Variants in HTT observed in about 807,000 individuals in gnomAD.
The protein encoded by HTT is huntington disease protein.
A neutral mutation model predicts 362.3 loss-of-function variants in HTT; 104 were observed. The ratio of observed to expected loss-of-function variants is 0.29; its 90% CI spans 0.24 to 0.34. The LOEUF (loss-of-function observed/expected upper bound fraction) is 0.34. Among genes scored for constraint, HTT ranks in the 10% least tolerant of loss-of-function variants. HTT has a pLI of 1.00. For missense variants in HTT, 3,301 were observed against 3,928.6 expected (o/e 0.84, Z 4.27); for synonymous variants, 1,577 against 1,548.7 (o/e 1.02, Z -0.43).
intron 2 of HTT, among the ~76,000 whole-genome samples, chr4:3,092,156 G>A (rs1713544609): frequency 6.6e-6 from 1 of 152,042 alleles, no homozygotes; most frequent in Non-Finnish European, 1.5e-5. Context: ...CTGAGTAGCT[G>A]GGATTACAGG....
At chr4:3,135,361 A>G (rs1424773012) in intron 19 of HTT, among the ~76,000 whole-genome samples, 1 of 149,776 alleles carries the variant, frequency 6.7e-6, no homozygotes, top group African/African-American at 2.4e-5. Context: ...TGGCACTTTC[A>G]TTTTCTAAGA....
In HTT at chr4:3,214,115, T is replaced by C; in HGVS notation, c.6932T>C (p.Val2311Ala). ...VTHACSLIYC[V>A]HFILEAVAVQ... ...CACGCCTGCTCCCTCATCTACTGTG[T>C]GCACTTCATCCTGGAGGCCGGTGAG... The change falls in exon 50 of 67, where the codon GTG (valine) becomes GCG (alanine). Residue 2311 changes from valine to alanine, a missense_variant. Transcript: ENST00000355072. 1 of 1,540,578 alleles carries C rather than the reference T, an allele frequency of 6.5e-7. No homozygotes were observed. The highest frequency in any genetic ancestry group is 8.8e-7 in the Non-Finnish European group (1 of 1,134,846).
chr4:3,104,735 A>G (rs1387895993), intron 4 of HTT, among the ~76,000 whole-genome samples: 1 of 152,094 alleles, frequency 6.6e-6, no homozygotes, highest in Non-Finnish European at 1.5e-5. Context: ...CAACATGGCA[A>G]AACGCTGTCT....
At position 3,225,644 on chromosome 4, in the gene HTT, G is replaced by T. The variant is rs1254206190; in HGVS notation, c.7766-17G>T. 6.2e-7 allele frequency: 1 copy of T among 1,612,120 alleles called. No homozygotes were observed. The highest frequency in any genetic ancestry group is 8.5e-7 in the Non-Finnish European group (1 of 1,178,358). ...CCCCCCTGTGCAGATCAAGACTCAG[G>T]GTGCTGGTGTTCACAGGTGCCCTCA... On this transcript the variant is annotated splice_polypyrimidine_tract_variant and intron_variant, in intron 56 of 66. Coordinates refer to ENST00000355072, the MANE Select transcript of HTT (RefSeq NM_001388492.1).
chr4:3,142,667 C>A, intron 22 of HTT, 99 bp from the exon 23 acceptor site: 1 of 638,946 alleles, frequency 1.6e-6, no homozygotes, highest in South Asian at 2.7e-5. Context: ...GACTGCTTAA[C>A]TTTTTTTAAT....
At chr4:3,146,115 C>T (rs1232566511) in intron 24 of HTT, among the ~76,000 whole-genome samples, 2 of 152,180 alleles carry the variant, frequency 1.3e-5, no homozygotes, top group African/African-American at 2.4e-5. Flanking sequence ...TGCATCTGTT[C>T]ACAAGGGGTT....
chr4:3,225,582 A>C, intron 56 of HTT, 79 bp from the exon 57 acceptor site: 4 of 1,300,312 alleles, frequency 3.1e-6, no homozygotes, highest in Non-Finnish European at 4.3e-6. Flanking sequence ...CTGTCTGGGC[A>C]GGAGCTGGGC....
At chr4:3,169,797 C>T (rs765529569) in intron 29 of HTT, among the ~76,000 whole-genome samples, 43 of 152,224 alleles carry the variant, frequency 2.8e-4, no homozygotes, top group Non-Finnish European at 7.3e-5. Context: ...TGGCCTTGAA[C>T]TCCTGACCTC....
chr4:3,146,053 T>C (rs1043062436), intron 24 of HTT, among the ~76,000 whole-genome samples: 3 of 152,222 alleles, frequency 2.0e-5, no homozygotes, highest in African/African-American at 7.2e-5. Flanking sequence ...AATATAGATT[T>C]AAATGATAAA....
chr4:3,085,159 A>G (rs1205961914), intron 1 of HTT, among the ~76,000 whole-genome samples: 1 of 149,706 alleles, frequency 6.7e-6, no homozygotes, highest in Non-Finnish European at 1.5e-5. Flanking sequence ...TTTTTTTTTG[A>G]GACAGTCTGG....
Position 3,218,545 on chromosome 4 carries a change from A to G in HTT, c.7242+593A>G, listed in dbSNP as rs1720522238. ...CTACTCAGGAGACTGAGACAGGAGAATCGCTTGAACCCAGGAGGCGAAGGT... is the reference window on the plus strand; with the variant it reads ...CTACTCAGGAGACTGAGACAGGAGAGTCGCTTGAACCCAGGAGGCGAAGGT... On this transcript the variant is annotated intron_variant, in intron 52 of 66. Coordinates refer to ENST00000355072, the MANE Select transcript of HTT (RefSeq NM_001388492.1). This position sits in a 1 kb window ranked among gnomAD's most constrained non-coding sequence, Gnocchi z 4.4. 6.6e-6 allele frequency among the ~76,000 whole-genome samples: 1 copy of G among 152,090 alleles called. No individual in the cohort carries two copies. The highest frequency in any genetic ancestry group is 1.9e-4 in the East Asian group (1 of 5,188).
At chr4:3,181,606 A>G (rs1201864310) in intron 36 of HTT, among the ~76,000 whole-genome samples, 1 of 152,180 alleles carries the variant, frequency 6.6e-6, no homozygotes, top group Non-Finnish European at 1.5e-5. Flanking sequence ...TCATAAAGCC[A>G]TAGCTTTTCT....
rs145466571 is a variant in HTT at position 3,171,438 on chromosome 4, G to A, written c.3865-882G>A. 1.6e-4 allele frequency among the ~76,000 whole-genome samples: 24 copies of A among 151,530 alleles called. No homozygotes were observed. In the East Asian group the frequency reaches 3.7e-3, roughly 23 times the overall value. Reference sequence around the variant, plus strand: ...GTATCTAGGCATTCAGAATGGTGGCGCTCTTTGAGTTAGCATCTTCTTCTT... The same window carrying A: ...GTATCTAGGCATTCAGAATGGTGGCACTCTTTGAGTTAGCATCTTCTTCTT... On this transcript the variant is annotated intron_variant, in intron 29 of 66. Coordinates refer to ENST00000355072, the MANE Select transcript of HTT (RefSeq NM_001388492.1).
rs1007975522 is a variant in HTT at position 3,236,125 on chromosome 4, T to G, written c.8786-24T>G. 4.5e-6 allele frequency: 7 copies of G among 1,558,566 alleles called. No homozygotes were observed. In the African/African-American group the frequency reaches 6.8e-5, roughly 15 times the overall value. On this transcript the variant is annotated intron_variant, in intron 63 of 66. Coordinates refer to ENST00000355072, the MANE Select transcript of HTT (RefSeq NM_001388492.1). ...CTATTGGGTTGTATAGAGGTAACCT[T>G]CGTACTGAACACTTTTGTTACAGGA...
In HTT at chr4:3,222,403, T is replaced by C. The variant is rs779365771; in HGVS notation, c.7386T>C (p.Thr2462=). 1.2e-6 allele frequency: 2 copies of C among 1,614,092 alleles called. No individual in the cohort carries two copies. The highest frequency in any genetic ancestry group is 1.7e-6 in the Non-Finnish European group (2 of 1,179,910). ...TATTTCTAGGCTGGACCAGTCGTAC[T>C]CAGTTTGAAGAAACTTGGGCCACCC... The part of the protein sequence containing the change: ...RINTLGWTSR[T]QFEETWATLL... Residue 2462 remains threonine, a synonymous_variant, in exon 54 of 67, where the codon ACT becomes ACC. Transcript: ENST00000355072.
chr4:3,215,316 C>A, intron 51 of HTT, 105 bp downstream of exon 51: 1 of 747,756 alleles, frequency 1.3e-6, no homozygotes. Context: ...GGAAGCGCAC[C>A]GTAGCTCCGC....
At position 3,132,558 on chromosome 4, in the gene HTT, A is replaced by G; in HGVS notation, c.2237-4A>G. The G allele has an allele frequency of 1.2e-6, 2 of 1,613,148 alleles. No individual in the cohort carries two copies. The highest frequency in any genetic ancestry group is 1.7e-5 in the Admixed American group (1 of 59,990). On this transcript the variant is annotated splice_polypyrimidine_tract_variant and splice_region_variant and intron_variant, in intron 16 of 66. Coordinates refer to ENST00000355072, the MANE Select transcript of HTT (RefSeq NM_001388492.1). ...TTCCATGGCTGAGCAATTTATCTCC[A>G]CAGAGGAACAGTATGTCTCAGACAT... is the stretch of plus-strand genomic sequence containing the variant.
In HTT at chr4:3,199,589, A is replaced by C. The variant is rs536578531; in HGVS notation, c.5369-143A>C. 1.6e-5 allele frequency: 11 copies of C among 674,128 alleles called. No homozygotes were observed. In the South Asian group the frequency reaches 1.9e-4, roughly 12 times the overall value. The allele number at this position is 674,128 out of a possible 1,614,324, so 41.8% of individuals were successfully genotyped here. ...ATCTGTTTCTGCTTAGAAAAATCAGAATTTTCTAAATGCCAGGTGTTCTGA... is the reference window on the plus strand; with the variant it reads ...ATCTGTTTCTGCTTAGAAAAATCAGCATTTTCTAAATGCCAGGTGTTCTGA... On this transcript the variant is annotated intron_variant, in intron 40 of 66. Transcript: ENST00000355072.
intron 6 of HTT, among the ~76,000 whole-genome samples, chr4:3,113,281 A>T (rs186609313): frequency 3.5e-4 from 54 of 152,252 alleles, no homozygotes; most frequent in African/African-American, 1.3e-3. Flanking sequence ...CTGACTCATC[A>T]TAATAATGAG....
Sources: allele counts gnomAD v4.1 joint callset (sites outside exome capture counted in the v4.1 genomes callset), GRCh38; gene constraint gnomAD v4.1.1; non-coding constraint Gnocchi (gnomAD v3.1); transcripts MANE v1.5; gene names NCBI Gene and HGNC (gene_info 2026-07-23, HGNC 2026-07-21).